Variants in NETO1 observed in about 807,000 individuals in gnomAD.
NETO1 encodes neuropilin and tolloid like 1.
Under a neutral mutation model 61.3 loss-of-function variants are expected in NETO1, and 26 were observed. The ratio of observed to expected loss-of-function variants is 0.42; its 90% CI spans 0.31 to 0.59. The LOEUF (loss-of-function observed/expected upper bound fraction) is 0.59. NETO1 is among the 20% of genes least tolerant of loss of function. The probability of loss-of-function intolerance (pLI) is 0.12; values close to 1 mark genes in which losing one functional copy is unlikely to be tolerated. For missense variants in NETO1, 531 were observed against 662.8 expected (o/e 0.80, Z 2.18); for synonymous variants, 225 against 225.8 (o/e 1.00, Z 0.03).
At chr18:72,785,162 C>T (rs2071871683) in intron 6 of NETO1, among the ~76,000 whole-genome samples, 1 of 152,276 alleles carries the variant, frequency 6.6e-6, no homozygotes, top group South Asian at 2.1e-4. Flanking sequence ...AAAGACATGG[C>T]ATTCAAGCAA....
At position 72,830,300 on chromosome 18, in the gene NETO1, T is replaced by C. The variant is rs2073533054; in HGVS notation, c.469+28526A>G. Among the ~76,000 whole-genome samples, 1 of 152,072 alleles carries C rather than the reference T, an allele frequency of 6.6e-6. No individual in the cohort carries two copies. The highest frequency in any genetic ancestry group is 1.5e-5 in the Non-Finnish European group (1 of 68,014). The stretch of plus-strand genomic sequence containing the variant: ...GTGCTAACAAAATTGGCAAAGGCTG[T>C]TGAGGCTGCAGCCACACACTCAGCA... On this transcript the variant is annotated intron_variant, in intron 4 of 10. Transcript: ENST00000327305. This position sits in a 1 kb window ranked among gnomAD's most constrained non-coding sequence, Gnocchi z 4.9.
chr18:72,866,849 A>G, intron 1 of NETO1: 1 of 975,332 alleles, frequency 1.0e-6, no homozygotes, highest in Non-Finnish European at 1.2e-6. Flanking sequence ...TACCTCCTGT[A>G]CTGCGAACAG....
chr18:72,844,882 C>G (rs1439771155), intron 4 of NETO1, among the ~76,000 whole-genome samples: 1 of 152,214 alleles, frequency 6.6e-6, no homozygotes, highest in African/African-American at 2.4e-5. Flanking sequence ...GAGCACGTCA[C>G]ACACCTCATC....
chr18:72,764,258 C>A (rs1355668660), intron 7 of NETO1, among the ~76,000 whole-genome samples: 1 of 152,096 alleles, frequency 6.6e-6, no homozygotes, highest in Non-Finnish European at 1.5e-5. Flanking sequence ...AAACTTCTAA[C>A]CCTTGGGATG....
intron 7 of NETO1, among the ~76,000 whole-genome samples, chr18:72,766,175 C>T (rs2071148139): frequency 1.3e-5 from 2 of 150,794 alleles, no homozygotes; most frequent in East Asian, 3.9e-4. Context: ...CACTGCCCTT[C>T]AGCCTGGGTG....
At chr18:72,838,177 C>T (rs2073815709) in intron 4 of NETO1, among the ~76,000 whole-genome samples, 1 of 152,354 alleles carries the variant, frequency 6.6e-6, no homozygotes, top group South Asian at 2.1e-4. Context: ...TCTGCAACTC[C>T]CTAGCTAAGA....
At chr18:72,794,529 A>C in intron 4 of NETO1, 125 bp from the exon 5 acceptor site, 1 of 847,000 alleles carries the variant, frequency 1.2e-6, no homozygotes, top group Admixed American at 2.7e-5. Flanking sequence ...AAAGTAAAAA[A>C]CACATTAGGG....
intron 4 of NETO1, among the ~76,000 whole-genome samples, chr18:72,811,936 G>A (rs2072881032): frequency 6.6e-6 from 1 of 152,170 alleles, no homozygotes; most frequent in African/African-American, 2.4e-5. Context: ...ACCAGGGAGA[G>A]GACTCCTAGT....
chr18:72,842,550 A>G (rs2073967623), intron 4 of NETO1, among the ~76,000 whole-genome samples: 1 of 152,210 alleles, frequency 6.6e-6, no homozygotes, highest in Admixed American at 6.5e-5. Flanking sequence ...TGTATCAAAG[A>G]TGTTAAGAGC....
At chr18:72,769,576 ATATT>A (rs2071277824) in intron 7 of NETO1, among the ~76,000 whole-genome samples, 2 of 152,314 alleles carry the variant, frequency 1.3e-5, no homozygotes, top group African/African-American at 2.4e-5. Flanking sequence ...AAACCAGTAC[ATATT>A]TATTTTAGAA....
At chr18:72,858,779 G>C (rs2074480798) in intron 4 of NETO1, 47 bp downstream of exon 4, 4 of 1,524,012 alleles carry the variant, frequency 2.6e-6, no homozygotes, top group Non-Finnish European at 3.5e-6. Flanking sequence ...TATGAAGATA[G>C]AAAAATGAGG....
chr18:72,783,960 G>A, intron 6 of NETO1, 54 bp from the exon 7 acceptor site: 3 of 1,201,972 alleles, frequency 2.5e-6, no homozygotes, highest in Non-Finnish European at 3.7e-6. Flanking sequence ...ATGTACATCA[G>A]TATCAGAACT....
intron 4 of NETO1, among the ~76,000 whole-genome samples, chr18:72,842,462 A>G (rs1429102755): frequency 6.6e-6 from 1 of 152,170 alleles, no homozygotes; most frequent in Non-Finnish European, 1.5e-5. Flanking sequence ...TGATGAAGTC[A>G]ATAATACCAT....
Position 72,852,109 on chromosome 18 carries a change from C to G in NETO1, c.469+6717G>C, listed in dbSNP as rs552790884. Among the ~76,000 whole-genome samples the G allele has an allele frequency of 5.3e-5, 8 of 152,312 alleles. No individual in the cohort carries two copies. The South Asian group carries it at 1.4e-3, about 28-fold the overall frequency. On this transcript the variant is annotated intron_variant, in intron 4 of 10. Coordinates refer to ENST00000327305, the MANE Select transcript of NETO1 (RefSeq NM_138966.5). ...GTACTCTATTTAAAACATAGTCCGG[C>G]GATTAGCCGATAAATAAATATAAAC...
chr18:72,794,502 A>T, intron 4 of NETO1, 98 bp from the exon 5 acceptor site: 1 of 1,162,322 alleles, frequency 8.6e-7, no homozygotes, highest in Non-Finnish European at 1.2e-6. Context: ...AATCTACCTT[A>T]AAAAACACAT....
rs35617731 is a variant in NETO1 at position 72,772,759 on chromosome 18, CTATATA to C, written c.868+10913_868+10918del. 2.9e-4 allele frequency among the ~76,000 whole-genome samples: 30 copies of C among 102,342 alleles called. 1 individual carries two copies. Among genetic ancestry groups the C allele is most frequent in the East Asian group, 2.0e-3 (6 of 3,072 alleles). The allele number at this position is 102,342 out of a possible 152,430, so 67.1% of individuals were successfully genotyped here. On this transcript the variant is annotated intron_variant, in intron 7 of 10. Transcript: ENST00000327305. ...CACACACACATCTCTCTATATATATCTATATATATATATATATACAGATCTCTATAT... is the reference window on the plus strand; with the variant it reads ...CACACACACATCTCTCTATATATATCTATATATATATACAGATCTCTATAT...
intron 6 of NETO1, among the ~76,000 whole-genome samples, chr18:72,785,656 G>A (rs1025173880): frequency 4.6e-5 from 7 of 152,096 alleles, no homozygotes; most frequent in Non-Finnish European, 1.0e-4. Context: ...GTCATTTAAC[G>A]TTAGGCATAG....
At chr18:72,833,869 C>G (rs2145414166) in intron 4 of NETO1, among the ~76,000 whole-genome samples, 1 of 152,270 alleles carries the variant, frequency 6.6e-6, no homozygotes, top group East Asian at 1.9e-4. Context: ...TGTAGCATCC[C>G]CATACAAAAC....
rs559463379 is a variant in NETO1, at chr18:72,867,752, C to G, written c.-461G>C. The G allele has an allele frequency of 6.4e-6, 1 of 156,030 alleles. No homozygotes were observed. Among genetic ancestry groups the G allele is most frequent in the Non-Finnish European group, 1.4e-5 (1 of 72,968 alleles). 9.7% of individuals were successfully genotyped at this position (156,030 alleles called of 1,614,324 possible). On this transcript the variant is annotated 5_prime_UTR_variant, in exon 1 of 11. Coordinates refer to ENST00000327305, the MANE Select transcript of NETO1 (RefSeq NM_138966.5). ...AGGGCGCAGCGAGGTGGGGGCCAGT[C>G]CAGACCGACGGCAGCGACGGAGCGG...
Sources: allele counts gnomAD v4.1 joint callset (sites outside exome capture counted in the v4.1 genomes callset), GRCh38; gene constraint gnomAD v4.1.1; non-coding constraint Gnocchi (gnomAD v3.1); transcripts MANE v1.5; gene names NCBI Gene and HGNC (gene_info 2026-07-23, HGNC 2026-07-21).